Variants in CCSER1 observed in about 807,000 individuals in gnomAD.
CCSER1 encodes serine-rich coiled-coil domain-containing protein 1.
CCSER1 carries 41 observed loss-of-function variants against 82.0 expected under a neutral mutation model. The ratio of observed to expected loss-of-function variants is 0.50; its 90% CI spans 0.39 to 0.65. The LOEUF is 0.65. Ranked by LOEUF, CCSER1 falls within the 30% of genes least tolerant of loss-of-function variation. The pLI is 0.00. For synonymous variants in CCSER1, 414 were observed against 383.9 expected (o/e 1.08, Z -0.92); for missense variants, 1,119 against 1,064.2 (o/e 1.05, Z -0.72).
rs760371065 is a variant in CCSER1, at chr4:90,833,124, G to C, written c.2094+17279G>C. ...AAATTTAATTCTCACAGTTTTGGAA[G>C]CTGGGAAGTCCAAGATCAAGGAACT... is the stretch of plus-strand genomic sequence containing the variant. On this transcript the variant is annotated intron_variant, in intron 8 of 10. Transcript: ENST00000509176. 4.6e-5 allele frequency among the ~76,000 whole-genome samples: 7 copies of C among 152,152 alleles called. 1 individual carries two copies. The highest frequency in any genetic ancestry group is 2.0e-4 in the Admixed American group (3 of 15,276).
In CCSER1 at chr4:90,195,323, G is replaced by A. The variant is rs144097209; in HGVS notation, c.-42+67492G>A. ...CGTGGTGGGTGGAGTAAACTTAAAT[G>A]CATATTACTAAGTGAAAAAAGCTAA... On this transcript the variant is annotated intron_variant, in intron 1 of 10. Transcript: ENST00000509176. Among the ~76,000 whole-genome samples the A allele has an allele frequency of 8.9e-3, 1,352 of 152,112 alleles. 23 individuals are homozygous for A. Among genetic ancestry groups the A allele is most frequent in the African/African-American group, 0.031 (1,297 of 41,514 alleles).
At chr4:91,183,877 G>C (rs576286704) in intron 10 of CCSER1, among the ~76,000 whole-genome samples, 2 of 152,324 alleles carry the variant, frequency 1.3e-5, no homozygotes, top group South Asian at 4.1e-4. Flanking sequence ...ATAGAAAGCA[G>C]ATTACTCATG....
At chr4:90,566,583 G>T (rs1163338885) in intron 5 of CCSER1, among the ~76,000 whole-genome samples, 1 of 149,646 alleles carries the variant, frequency 6.7e-6, no homozygotes, top group African/African-American at 2.5e-5. Context: ...TTTTGTTGGT[G>T]TAGAATTGTT....
chr4:91,591,866 C>T (rs768542563), intron 10 of CCSER1, among the ~76,000 whole-genome samples: 3 of 152,046 alleles, frequency 2.0e-5, no homozygotes, highest in Non-Finnish European at 4.4e-5. Context: ...TGACAAAATA[C>T]ACTGAAATTG....
chr4:91,578,543 T>C (rs1763565038), intron 10 of CCSER1, among the ~76,000 whole-genome samples: 1 of 151,964 alleles, frequency 6.6e-6, no homozygotes, highest in Non-Finnish European at 1.5e-5. Flanking sequence ...TGTTGAAATT[T>C]GAAACCATTC....
intron 6 of CCSER1, among the ~76,000 whole-genome samples, chr4:90,662,616 C>T (rs1449898268): frequency 6.6e-6 from 1 of 152,026 alleles, no homozygotes; most frequent in East Asian, 1.9e-4. Context: ...TTGGGGAAAT[C>T]TTATACATTG....
intron 10 of CCSER1, among the ~76,000 whole-genome samples, chr4:91,528,615 G>T (rs1172753010): frequency 6.6e-6 from 1 of 152,078 alleles, no homozygotes; most frequent in African/African-American, 2.4e-5. Context: ...GCACAATAAT[G>T]AGCACATATT....
intron 9 of CCSER1, among the ~76,000 whole-genome samples, chr4:90,948,470 T>C (rs1324659839): frequency 6.6e-6 from 1 of 151,824 alleles, no homozygotes; most frequent in Non-Finnish European, 1.5e-5. Context: ...TTTTTCTATA[T>C]TTACAACACA....
intron 7 of CCSER1, among the ~76,000 whole-genome samples, chr4:90,726,021 C>G (rs979062833): frequency 2.0e-5 from 3 of 151,950 alleles, no homozygotes; most frequent in Admixed American, 1.3e-4. Flanking sequence ...TTTCAGCACT[C>G]AACCCCATCA....
intron 10 of CCSER1, among the ~76,000 whole-genome samples, chr4:91,422,444 G>A (rs1753733244): frequency 6.6e-6 from 1 of 152,034 alleles, no homozygotes; most frequent in Non-Finnish European, 1.5e-5. Flanking sequence ...ATTTTGTGTT[G>A]CCTTATTGCC....
At chr4:90,312,106 G>A (rs1735388166) in intron 2 of CCSER1, among the ~76,000 whole-genome samples, 2 of 152,170 alleles carry the variant, frequency 1.3e-5, no homozygotes, top group Admixed American at 1.3e-4. Flanking sequence ...ATTGGTAAAG[G>A]TTTGAAGGAA....
At chr4:90,363,299 C>T (rs527402927) in intron 3 of CCSER1, among the ~76,000 whole-genome samples, 22 of 152,022 alleles carry the variant, frequency 1.4e-4, no homozygotes, top group Non-Finnish European at 2.4e-4. Flanking sequence ...ATAAATAGTA[C>T]GCACACTGAC....
At chr4:91,425,852 A>G (rs1753938028) in intron 10 of CCSER1, among the ~76,000 whole-genome samples, 1 of 152,176 alleles carries the variant, frequency 6.6e-6, no homozygotes, top group South Asian at 2.1e-4. Flanking sequence ...TATACCTTAC[A>G]TTTTGTTGAG....
chr4:90,266,890 A>G (rs1475479298), intron 1 of CCSER1, among the ~76,000 whole-genome samples: 2 of 151,936 alleles, frequency 1.3e-5, no homozygotes, highest in Non-Finnish European at 2.9e-5. Context: ...TCTTAGTACT[A>G]TGCTGTGCTT....
intron 7 of CCSER1, among the ~76,000 whole-genome samples, chr4:90,735,705 T>G (rs899972384): frequency 6.6e-6 from 1 of 152,130 alleles, no homozygotes; most frequent in East Asian, 1.9e-4. Context: ...CTCTGTTTTC[T>G]TAGTCTGGCT....
At chr4:90,945,389 A>G (rs1349880327) in intron 9 of CCSER1, among the ~76,000 whole-genome samples, 1 of 152,096 alleles carries the variant, frequency 6.6e-6, no homozygotes, top group Non-Finnish European at 1.5e-5. Flanking sequence ...TCTTTCTTTC[A>G]GTTATACTAT....
chr4:90,517,701 C>T (rs930633861), intron 5 of CCSER1, among the ~76,000 whole-genome samples: 8 of 152,086 alleles, frequency 5.3e-5, no homozygotes, highest in Middle Eastern at 3.4e-3. Context: ...AAAGAAGAAA[C>T]GACTAAACCT....
intron 10 of CCSER1, among the ~76,000 whole-genome samples, chr4:91,527,029 A>G (rs2110157698): frequency 7.2e-6 from 1 of 138,158 alleles, no homozygotes; most frequent in East Asian, 2.2e-4. Context: ...AAGTAATGAC[A>G]ATGGACACAA....
intron 1 of CCSER1, among the ~76,000 whole-genome samples, chr4:90,226,438 T>C (rs1222769342): frequency 6.6e-6 from 1 of 152,182 alleles, no homozygotes; most frequent in African/African-American, 2.4e-5. Flanking sequence ...GAGGTTCTAG[T>C]TCCTCTAGGA....
Sources: gnomAD v4.1 joint callset for allele counts (sites outside exome capture counted in the v4.1 genomes callset) on GRCh38, gnomAD v4.1.1 for gene constraint, MANE v1.5 for transcripts, NCBI Gene and HGNC (gene_info 2026-07-23, HGNC 2026-07-21) for gene names.